RP1: variants seen among roughly 807,000 people sequenced by gnomAD.
RP1 encodes oxygen-regulated protein 1.
Under a neutral mutation model 14.8 loss-of-function variants are expected in RP1, and 16 were observed. The observed-to-expected ratio is 1.08, with a 90% CI of 0.73 to 1.65. The LOEUF (loss-of-function observed/expected upper bound fraction) is 1.65. Ranked by LOEUF, RP1 falls within the 40% of genes most tolerant of loss-of-function variation. The pLI is 0.00. For synonymous variants in RP1, 876 were observed against 883.6 expected, an observed-to-expected ratio of 0.99 and a Z score of 0.15; for missense variants, 2,631 against 2,535.0, an observed-to-expected ratio of 1.04 and a Z score of -0.81.
intron 12 of RP1, among the ~76,000 whole-genome samples, chr8:54,698,831 T>C (rs74866372): frequency 1.1e-4 from 17 of 151,906 alleles, no homozygotes; most frequent in Admixed American, 2.6e-4. Context: ...AAGTGGGAGT[T>C]GAACAATGAG....
At chr8:54,725,088 A>G (rs954105972) in intron 16 of RP1, among the ~76,000 whole-genome samples, 2 of 152,156 alleles carry the variant, frequency 1.3e-5, no homozygotes, top group East Asian at 3.9e-4. Context: ...AACCCCATCA[A>G]TGTCAGAAGC....
chr8:54,690,733 A>G (rs1807691047), intron 12 of RP1, among the ~76,000 whole-genome samples: 1 of 152,080 alleles, frequency 6.6e-6, no homozygotes, highest in Admixed American at 6.6e-5. Flanking sequence ...GCAGCAAATC[A>G]GGGCTATTTG....
intron 19 of RP1, among the ~76,000 whole-genome samples, chr8:54,751,190 T>G (rs926452041): frequency 6.6e-6 from 1 of 152,252 alleles, no homozygotes; most frequent in Non-Finnish European, 1.5e-5. Context: ...GGAAAATAAC[T>G]TCCTATGGCT....
intron 8 of RP1, among the ~76,000 whole-genome samples, chr8:54,676,343 G>A (rs1807294785): frequency 6.6e-6 from 1 of 152,178 alleles, no homozygotes; most frequent in African/African-American, 2.4e-5. Context: ...ATAGGAGAGG[G>A]TAGTAGGGGT....
chr8:54,568,164 C>T (rs754125789), intron 1 of RP1, among the ~76,000 whole-genome samples: 2 of 152,110 alleles, frequency 1.3e-5, no homozygotes, highest in Non-Finnish European at 2.9e-5. Context: ...AAGGGGACCC[C>T]TCTTTATTCA....
chr8:54,699,636 G>A (rs1296091806), intron 13 of RP1: 1 of 731,330 alleles, frequency 1.4e-6, no homozygotes, highest in East Asian at 3.3e-5. Context: ...TTTTGTATAA[G>A]ATACATTTAT....
chr8:54,828,856 C>CTT (rs1395903835), intron 24 of RP1, among the ~76,000 whole-genome samples: 1 of 136,166 alleles, frequency 7.3e-6, no homozygotes, highest in African/African-American at 2.7e-5. Flanking sequence ...TCTTCTTCTT[C>CTT]TTCTTTCTTC....
intron 19 of RP1, among the ~76,000 whole-genome samples, chr8:54,749,330 C>CA (rs368519775): frequency 0.04 from 5,691 of 141,452 alleles, 279 homozygotes; most frequent in African/African-American, 0.13. Context: ...GACTCCATCT[C>CA]AAAAAAAAAA....
chr8:54,868,365 A>G (rs146998555), intron 28 of RP1, among the ~76,000 whole-genome samples: 16 of 152,356 alleles, frequency 1.1e-4, no homozygotes, highest in African/African-American at 3.8e-4. Flanking sequence ...ATCATTAACT[A>G]TAGCAATATA....
At chr8:54,631,386 G>C (rs189903131), downstream of RP1, among the ~76,000 whole-genome samples, 41 of 152,220 alleles carry the variant, frequency 2.7e-4, no homozygotes, top group Admixed American at 2.6e-3. Context: ...GAATGAAAGG[G>C]CACAAAGTTT....
At position 54,630,803 on chromosome 8, in the gene RP1, A is replaced by T; in HGVS notation, c.*450A>T. The T allele has an allele frequency of 6.0e-6, 6 of 1,003,242 alleles. No homozygotes were observed. Among genetic ancestry groups the T allele is most frequent in the Non-Finnish European group, 7.1e-6 (6 of 841,078 alleles). The allele number at this position is 1,003,242 out of a possible 1,614,324, so 62.1% of individuals were successfully genotyped here. A position where few individuals can be genotyped will look rare whatever the true frequency, so the allele number is the denominator to read the frequency against. On this transcript the variant is annotated 3_prime_UTR_variant, in exon 4 of 4. Coordinates refer to ENST00000220676, the MANE Select transcript of RP1 (RefSeq NM_006269.2). ...TACTGATTTGATAAAAAGTATGATT[A>T]TAAGATATCCACGACAATCTCATAG...
intron 19 of RP1, among the ~76,000 whole-genome samples, chr8:54,741,699 ATG>A (rs370666848): frequency 0.016 from 1,562 of 98,530 alleles, 43 homozygotes; most frequent in African/African-American, 0.052. Flanking sequence ...ATAAATACAA[ATG>A]TGTGTGTATA....
chr8:54,778,620 G>A (rs1810104044), intron 23 of RP1, among the ~76,000 whole-genome samples: 2 of 152,172 alleles, frequency 1.3e-5, no homozygotes, highest in Non-Finnish European at 2.9e-5. Flanking sequence ...ACAATGCCCA[G>A]CCATGTTAAT....
At chr8:54,605,004 G>A (rs1346809542) in intron 1 of RP1, among the ~76,000 whole-genome samples, 2 of 151,930 alleles carry the variant, frequency 1.3e-5, no homozygotes, top group Admixed American at 6.5e-5. Flanking sequence ...TGGATTCATT[G>A]ATTTTTTGAA....
chr8:54,673,930 T>C lies in RP1; in HGVS notation c.1402+2T>C. ...TAGGCCATGATGGACTTGGCCCAGG[T>C]AAGACTCTTCCACAGAGAGTTCATG... On this transcript the variant is annotated splice_donor_variant, in intron 8 of 22. Transcript: ENST00000636932. LOFTEE classifies it high-confidence loss of function. The C allele has an allele frequency of 6.5e-7, 1 of 1,534,244 alleles. No homozygotes were observed. The highest frequency in any genetic ancestry group is 8.7e-7 in the Non-Finnish European group (1 of 1,145,302).
downstream of RP1, among the ~76,000 whole-genome samples, chr8:54,631,990 C>T (rs1320583977): frequency 1.3e-5 from 2 of 151,868 alleles, no homozygotes; most frequent in East Asian, 3.9e-4. Context: ...TACAGGCATG[C>T]ACCACCACAC....
At chr8:54,865,783 T>C in intron 27 of RP1, 1 of 638,776 alleles carries the variant, frequency 1.6e-6, no homozygotes, top group East Asian at 3.4e-5. Context: ...ATCACAATGC[T>C]GGTATTTTTA....
intron 24 of RP1, among the ~76,000 whole-genome samples, chr8:54,791,999 G>A (rs1037331627): frequency 2.0e-5 from 3 of 152,054 alleles, no homozygotes; most frequent in Non-Finnish European, 4.4e-5. Context: ...ATAGGCTGTA[G>A]TTAGGGATGG....
At chr8:54,828,782 C>A (rs933611607) in intron 24 of RP1, among the ~76,000 whole-genome samples, 5 of 151,636 alleles carry the variant, frequency 3.3e-5, no homozygotes, top group African/African-American at 1.2e-4. Flanking sequence ...AATGTGTTCT[C>A]TACGACATTA....
Sources: allele counts gnomAD v4.1 joint callset (sites outside exome capture counted in the v4.1 genomes callset), GRCh38; gene constraint gnomAD v4.1.1; transcripts MANE v1.5; gene names NCBI Gene and HGNC (gene_info 2026-07-23, HGNC 2026-07-21).